The following PSMD1 variants were observed in gnomAD, a reference collection of about 807,000 sequenced individuals.
The protein encoded by PSMD1 is proteasome 26S subunit, non-ATPase 1.
PSMD1 carries 18 observed loss-of-function variants against 119.0 expected under a neutral mutation model. The ratio of observed to expected loss-of-function variants is 0.15; its 90% CI spans 0.10 to 0.22. PSMD1 has a LOEUF of 0.22. PSMD1 is among the 10% of genes least tolerant of loss of function. The pLI, the probability that PSMD1 is intolerant of heterozygous loss-of-function variation, is 1.00. For missense variants in PSMD1, 702 were observed against 1,158.5 expected, an observed-to-expected ratio of 0.61 and a Z score of 5.72; for synonymous variants, 374 against 396.6, an observed-to-expected ratio of 0.94 and a Z score of 0.68.
At chr2:231,129,022 TTGA>T (rs1466451624) in intron 16 of PSMD1, among the ~76,000 whole-genome samples, 1 of 152,232 alleles carries the variant, frequency 6.6e-6, no homozygotes, top group African/African-American at 2.4e-5. Context: ...GGAATTATAG[TTGA>T]TGATCATAAC....
chr2:231,113,853 G>T (rs376296365), intron 16 of PSMD1: 2 of 1,614,030 alleles, frequency 1.2e-6, no homozygotes, highest in Admixed American at 1.7e-5. Flanking sequence ...AGAGATGCAT[G>T]ATGGATGCGG....
At chr2:231,060,847 A>C (rs910266963) in intron 1 of PSMD1, among the ~76,000 whole-genome samples, 6 of 152,246 alleles carry the variant, frequency 3.9e-5, no homozygotes, top group Non-Finnish European at 8.8e-5. Context: ...AAAATTGTAT[A>C]GGAAAGTTTC....
Position 231,062,569 on chromosome 2 carries a change from A to G in PSMD1, c.198A>G (p.Lys66=). ...SRQFAALVAS[K]VFYHLGAFEE... ...AGTTTGCAGCCTTAGTGGCATCTAA[A>G]GTATTTTATCACCTGGGGGCTTTTG... Residue 66 remains lysine, a synonymous_variant, in exon 4 of 25, where the codon AAA becomes AAG. Transcript: ENST00000308696. The G allele has an allele frequency of 6.2e-7, 1 of 1,612,506 alleles. No individual in the cohort carries two copies. The highest frequency in any genetic ancestry group is 8.5e-7 in the Non-Finnish European group (1 of 1,179,596).
chr2:231,060,276 G>C (rs1050555722), intron 1 of PSMD1: 8 of 152,142 alleles, frequency 5.3e-5, no homozygotes, highest in Non-Finnish European at 1.5e-5. Context: ...AGTTTTGCTT[G>C]GTAAATTTTG....
intron 15 of PSMD1, among the ~76,000 whole-genome samples, chr2:231,086,261 C>T (rs1447186343): frequency 6.6e-6 from 1 of 152,188 alleles, no homozygotes; most frequent in Non-Finnish European, 1.5e-5. Flanking sequence ...CTAGGCAGAT[C>T]TCGAACTCCT....
chr2:231,077,777 A>C (rs1694203525), intron 9 of PSMD1, among the ~76,000 whole-genome samples: 1 of 152,134 alleles, frequency 6.6e-6, no homozygotes, highest in African/African-American at 2.4e-5. Context: ...TTATTTATCC[A>C]GTACCCCTTC....
intron 12 of PSMD1, among the ~76,000 whole-genome samples, chr2:231,081,662 T>C (rs1309068073): frequency 1.3e-5 from 2 of 152,224 alleles, no homozygotes; most frequent in Non-Finnish European, 2.9e-5. Context: ...CCACCAGGAC[T>C]CTAACCAGTG....
chr2:231,076,277 A>G (rs1476499356), intron 8 of PSMD1, among the ~76,000 whole-genome samples: 5 of 152,214 alleles, frequency 3.3e-5, no homozygotes, highest in African/African-American at 7.2e-5. Flanking sequence ...AAATATTACA[A>G]CAGTGGTCTG....
chr2:231,147,089 G>C (rs1452475718), intron 18 of PSMD1, among the ~76,000 whole-genome samples: 1 of 152,118 alleles, frequency 6.6e-6, no homozygotes, highest in Non-Finnish European at 1.5e-5. Context: ...GGAGTGAGGG[G>C]GAAAGACTCA....
chr2:231,089,431 G>A (rs573087814), intron 16 of PSMD1, among the ~76,000 whole-genome samples: 1 of 152,196 alleles, frequency 6.6e-6, no homozygotes, highest in African/African-American at 2.4e-5. Context: ...AGCTAATGCA[G>A]TGGGTGACTT....
At chr2:231,060,682 A>G (rs2125149962) in intron 1 of PSMD1, among the ~76,000 whole-genome samples, 1 of 152,338 alleles carries the variant, frequency 6.6e-6, no homozygotes, top group South Asian at 2.1e-4. Context: ...TCATTTGGTA[A>G]AACCCAGGTT....
In PSMD1 at chr2:231,061,253, C is replaced by G. The variant is rs1693751310; in HGVS notation, c.17-14C>G. On this transcript the variant is annotated splice_polypyrimidine_tract_variant and intron_variant, in intron 1 of 24. Transcript: ENST00000308696. ...AATGTGTTTCATAATCATGTTACAT[C>G]TTTTTTCTCATAGCTGGAATTATTT... 2 of 1,579,102 alleles carry G rather than the reference C, an allele frequency of 1.3e-6. No individual in the cohort carries two copies. The highest frequency in any genetic ancestry group is 2.3e-5 in the South Asian group (2 of 88,604).
intron 16 of PSMD1, among the ~76,000 whole-genome samples, chr2:231,126,303 C>T (rs928662307): frequency 6.6e-6 from 1 of 151,768 alleles, no homozygotes; most frequent in Admixed American, 6.6e-5. Flanking sequence ...TGGGCGGCGG[C>T]GGAGGGGTTG....
chr2:231,063,000 C>T (rs1163976096), intron 4 of PSMD1, among the ~76,000 whole-genome samples: 1 of 152,154 alleles, frequency 6.6e-6, no homozygotes, highest in Non-Finnish European at 1.5e-5. Context: ...CTGCATTGTG[C>T]TAGGCACCGT....
At chr2:231,150,632 G>A (rs550406910) in intron 18 of PSMD1, among the ~76,000 whole-genome samples, 2 of 151,822 alleles carry the variant, frequency 1.3e-5, no homozygotes, top group East Asian at 3.9e-4. Context: ...TTTGATTATG[G>A]GATATCATAA....
chr2:231,121,581 TA>T (rs1358429660), intron 16 of PSMD1, among the ~76,000 whole-genome samples: 8 of 152,198 alleles, frequency 5.3e-5, no homozygotes, highest in Non-Finnish European at 1.2e-4. Flanking sequence ...GCTGGATACC[TA>T]TTTTTCTATA....
At chr2:231,080,413 C>G (rs1471062673) in intron 12 of PSMD1, 99 bp downstream of exon 12, 5 of 1,027,196 alleles carry the variant, frequency 4.9e-6, no homozygotes, top group Non-Finnish European at 5.3e-6. Context: ...GTAGAATTTG[C>G]GAATACCCAA....
At chr2:231,128,899 G>A (rs1023311208) in intron 16 of PSMD1, among the ~76,000 whole-genome samples, 1 of 152,118 alleles carries the variant, frequency 6.6e-6, no homozygotes, top group Non-Finnish European at 1.5e-5. Flanking sequence ...GACAATTTTT[G>A]CCAGGTTATT....
chr2:231,058,466 G>A (rs1311632823), intron 1 of PSMD1, among the ~76,000 whole-genome samples: 1 of 151,764 alleles, frequency 6.6e-6, no homozygotes, highest in Non-Finnish European at 1.5e-5. Context: ...CTTTGAATTC[G>A]AGGACTTTTT....
Sources: allele counts gnomAD v4.1 joint callset (sites outside exome capture counted in the v4.1 genomes callset), GRCh38; gene constraint gnomAD v4.1.1; transcripts MANE v1.5; gene names NCBI Gene and HGNC (gene_info 2026-07-23, HGNC 2026-07-21).